The following TEX36 variants were observed in gnomAD, a reference collection of about 807,000 sequenced individuals.
The protein encoded by TEX36 is testis-expressed protein 36.
A neutral mutation model predicts 13.6 loss-of-function variants in TEX36; 12 were observed. The ratio of observed to expected loss-of-function variants is 0.88; its 90% CI spans 0.56 to 1.43. TEX36 has a LOEUF of 1.43. Among genes scored for constraint, TEX36 ranks in the 40% most tolerant of loss-of-function variants. The pLI, the probability that TEX36 is intolerant of heterozygous loss-of-function variation, is 0.00. For missense variants in TEX36, 224 were observed against 228.3 expected, an observed-to-expected ratio of 0.98 and a Z score of 0.12; for synonymous variants, 93 against 83.0, an observed-to-expected ratio of 1.12 and a Z score of -0.65.
chr10:125,586,623 C>G lies in TEX36; in HGVS notation c.265-9749G>C, dbSNP rs934228516. ...TGAACAACATTGTGAAACTCCGTCT[C>G]TACTAAAAATCCAAAAAAAAAAAAA... is the stretch of plus-strand genomic sequence containing the variant. On this transcript the variant is annotated intron_variant, in intron 3 of 3. Coordinates refer to the TEX36 transcript ENST00000532135. Among the ~76,000 whole-genome samples, 19 of 93,486 alleles carry G rather than the reference C, an allele frequency of 2.0e-4. 1 individual carries two copies. The highest frequency in any genetic ancestry group is 8.3e-4 in the African/African-American group (19 of 23,026). 61.3% of individuals were successfully genotyped at this position (93,486 alleles called of 152,430 possible).
intron 3 of TEX36, among the ~76,000 whole-genome samples, 170 bp from the exon 4 acceptor site, chr10:125,656,366 C>T (rs953965825): frequency 2.8e-5 from 4 of 143,538 alleles, no homozygotes; most frequent in Admixed American, 2.2e-4. Flanking sequence ...AAGCAATTCT[C>T]ATGCCTTAGC....
intron 1 of TEX36, among the ~76,000 whole-genome samples, chr10:125,669,005 G>A (rs192872360): frequency 8.1e-4 from 123 of 151,796 alleles, no homozygotes; most frequent in African/African-American, 2.8e-3. Flanking sequence ...CTAAAAATAC[G>A]AAAGTTGCCA....
intron 3 of TEX36, among the ~76,000 whole-genome samples, chr10:125,642,223 C>T (rs186580381): frequency 3.1e-4 from 47 of 152,288 alleles, no homozygotes; most frequent in African/African-American, 1.1e-3. Flanking sequence ...AACAAAGCTC[C>T]TACATGTCGA....
chr10:125,609,013 A>AT (rs1284317430), intron 3 of TEX36, among the ~76,000 whole-genome samples: 1 of 108,936 alleles, frequency 9.2e-6, no homozygotes, highest in Non-Finnish European at 1.7e-5. Flanking sequence ...AAAGAAAAAA[A>AT]GGAAAAAAAT....
rs1325612021 is a variant in TEX36, at chr10:125,662,636, T to C, written c.52-659A>G. Among the ~76,000 whole-genome samples the C allele has an allele frequency of 2.0e-5, 3 of 152,234 alleles. No homozygotes were observed. In the East Asian group the frequency reaches 5.8e-4, roughly 29 times the overall value. On this transcript the variant is annotated intron_variant, in intron 1 of 3. Coordinates refer to ENST00000368821, the MANE Select transcript of TEX36 (RefSeq NM_001128202.3). ...AAGAGGGGTAGTCCCAACAAGGGCC[T>C]CTGTTGACCCGGCTGGGAGCTCTGG...
chr10:125,664,424 C>T (rs575629280), intron 1 of TEX36, among the ~76,000 whole-genome samples: 1 of 152,082 alleles, frequency 6.6e-6, no homozygotes, highest in Non-Finnish European at 1.5e-5. Context: ...ATACTATTTT[C>T]CATAGTGGCT....
intron 3 of TEX36, among the ~76,000 whole-genome samples, chr10:125,582,625 C>T (rs531513028): frequency 2.0e-5 from 3 of 152,248 alleles, no homozygotes; most frequent in African/African-American, 4.8e-5. Flanking sequence ...AGTGATTCAG[C>T]GGCATACACC....
chr10:125,606,802 T>C (rs561242561), intron 3 of TEX36, among the ~76,000 whole-genome samples: 9 of 152,378 alleles, frequency 5.9e-5, no homozygotes, highest in Admixed American at 2.6e-4. Context: ...AGCAATTTAC[T>C]TAGCTGAAGA....
chr10:125,614,647 G>A (rs1201691516), intron 3 of TEX36, among the ~76,000 whole-genome samples: 1 of 152,030 alleles, frequency 6.6e-6, no homozygotes, highest in Non-Finnish European at 1.5e-5. Context: ...CTATATCTCT[G>A]TTTTGGTACC....
intron 3 of TEX36, among the ~76,000 whole-genome samples, chr10:125,634,939 C>T (rs891261932): frequency 3.3e-5 from 5 of 152,146 alleles, no homozygotes; most frequent in Admixed American, 2.6e-4. Context: ...GGGCTGTGCT[C>T]AGGGCTGTGA....
chr10:125,667,813 G>T, intron 1 of TEX36: 1 of 1,215,680 alleles, frequency 8.2e-7, no homozygotes, highest in Non-Finnish European at 1.2e-6. Flanking sequence ...CGGCGTTAAG[G>T]GACTGCAGCC....
chr10:125,683,008 T>C lies in TEX36; in HGVS notation c.-19A>G, dbSNP rs778764112. On this transcript the variant is annotated 5_prime_UTR_variant, in exon 1 of 4. Transcript: ENST00000368821. ...TGGTCATTCTCTCCAGGAAGCTGAA[T>C]GTGGCTGAGATTGGCTCCCTCACCT... The C allele has an allele frequency of 3.8e-5, 59 of 1,551,682 alleles. No individual in the cohort carries two copies. The African/African-American group carries it at 5.2e-4, about 14-fold the overall frequency.
At chr10:125,578,656 C>T (rs560507090) in intron 3 of TEX36, among the ~76,000 whole-genome samples, 37 of 152,232 alleles carry the variant, frequency 2.4e-4, no homozygotes, top group Non-Finnish European at 3.8e-4. Flanking sequence ...CCTGTCTGTC[C>T]GGTCTATAAA....
chr10:125,680,213 A>C (rs1847372986), intron 1 of TEX36, among the ~76,000 whole-genome samples: 1 of 152,140 alleles, frequency 6.6e-6, no homozygotes, highest in Admixed American at 6.5e-5. Context: ...TGACTGAGTC[A>C]ACACTTCCCT....
At chr10:125,633,599 G>A (rs1846587076) in intron 3 of TEX36, among the ~76,000 whole-genome samples, 1 of 152,186 alleles carries the variant, frequency 6.6e-6, no homozygotes, top group Non-Finnish European at 1.5e-5. Context: ...CCCATAAGCA[G>A]ACGGCTTTTT....
intron 3 of TEX36, among the ~76,000 whole-genome samples, chr10:125,635,683 A>G (rs1312524529): frequency 6.6e-6 from 1 of 151,988 alleles, no homozygotes; most frequent in African/African-American, 2.4e-5. Context: ...GTGTCCACTC[A>G]TGTCCTTGGG....
intron 3 of TEX36, among the ~76,000 whole-genome samples, chr10:125,585,093 A>G (rs577767027): frequency 4.6e-5 from 7 of 152,312 alleles, no homozygotes; most frequent in Admixed American, 4.6e-4. Flanking sequence ...AGAAGAATGG[A>G]AAGAAAAACA....
chr10:125,641,385 C>A (rs1360041493), intron 3 of TEX36, among the ~76,000 whole-genome samples: 1 of 152,222 alleles, frequency 6.6e-6, no homozygotes, highest in Non-Finnish European at 1.5e-5. Flanking sequence ...CATCACTTTG[C>A]CCTTCTAACC....
chr10:125,619,443 G>C (rs557099251), downstream of TEX36, among the ~76,000 whole-genome samples: 1 of 152,010 alleles, frequency 6.6e-6, no homozygotes, highest in Admixed American at 6.6e-5. Flanking sequence ...TCATAGTAGA[G>C]GTCTCCACCA....
Sources: allele counts gnomAD v4.1 joint callset (sites outside exome capture counted in the v4.1 genomes callset), GRCh38; gene constraint gnomAD v4.1.1; transcripts MANE v1.5; gene names NCBI Gene and HGNC (gene_info 2026-07-23, HGNC 2026-07-21).